DPP10: variants seen among roughly 807,000 people sequenced by gnomAD.
DPP10 encodes dipeptidyl peptidase like 10, also known as inactive dipeptidyl peptidase 10.
In DPP10, 33 loss-of-function variants were observed where a neutral mutation model predicts 120.9. The ratio of observed to expected loss-of-function variants is 0.27; its 90% CI spans 0.21 to 0.37. The LOEUF is 0.37. DPP10 is among the 10% of genes least tolerant of loss of function. The probability of loss-of-function intolerance (pLI) is 1.00; values close to 1 mark genes in which losing one functional copy is unlikely to be tolerated. For missense variants in DPP10, 816 were observed against 942.8 expected, an observed-to-expected ratio of 0.87 and a Z score of 1.76; for synonymous variants, 337 against 326.1, an observed-to-expected ratio of 1.03 and a Z score of -0.36.
At position 115,114,861 on chromosome 2, in the gene DPP10, C is replaced by T. The variant is rs557923072; in HGVS notation, c.61-194378C>T. ...GAGATTGAGAAGTATAGCATTAACA[C>T]GTTGGAATTAATTCCCTGGTTTAAC... On this transcript the variant is annotated intron_variant, in intron 1 of 25. Transcript: ENST00000410059. Among the ~76,000 whole-genome samples the T allele has an allele frequency of 3.9e-5, 6 of 152,066 alleles. No individual in the cohort carries two copies. The South Asian group carries it at 8.3e-4, about 21-fold the overall frequency.
chr2:115,616,526 G>A (rs1234302891), intron 5 of DPP10, among the ~76,000 whole-genome samples: 1 of 150,398 alleles, frequency 6.6e-6, no homozygotes, highest in African/African-American at 2.4e-5. Context: ...TTCCAATTTT[G>A]CCAGCAGTTA....
At chr2:115,536,579 C>T (rs1245644331) in intron 5 of DPP10, among the ~76,000 whole-genome samples, 1 of 151,828 alleles carries the variant, frequency 6.6e-6, no homozygotes, top group African/African-American at 2.4e-5. Context: ...TGCTAAAATG[C>T]CCACTAGAAA....
intron 5 of DPP10, among the ~76,000 whole-genome samples, chr2:115,681,250 T>G (rs1042983359): frequency 1.3e-5 from 2 of 151,884 alleles, no homozygotes; most frequent in Non-Finnish European, 2.9e-5. Context: ...AAAAATAATT[T>G]TAGAGTTTTT....
At chr2:114,815,726 G>A (rs981375361) in intron 1 of DPP10, among the ~76,000 whole-genome samples, 1 of 152,124 alleles carries the variant, frequency 6.6e-6, no homozygotes, top group African/African-American at 2.4e-5. Context: ...TTATCTGAGA[G>A]CAATGGAGTT....
At chr2:115,307,111 A>G (rs2106009687) in intron 1 of DPP10, among the ~76,000 whole-genome samples, 1 of 152,236 alleles carries the variant, frequency 6.6e-6, no homozygotes, top group East Asian at 1.9e-4. Flanking sequence ...CCGTTTTCTT[A>G]TCTGCAAATT....
chr2:114,667,580 A>T (rs562660183), intron 1 of DPP10, among the ~76,000 whole-genome samples: 1 of 152,322 alleles, frequency 6.6e-6, no homozygotes, highest in South Asian at 2.1e-4. Flanking sequence ...AAGAAAATGG[A>T]GTCAGTGAAC....
intron 1 of DPP10, among the ~76,000 whole-genome samples, chr2:114,893,469 T>G (rs1179106612): frequency 6.6e-6 from 1 of 150,744 alleles, no homozygotes. Context: ...TATTGGGGGG[T>G]GGATGGGGGA....
At chr2:114,804,867 T>A (rs1684584510) in intron 1 of DPP10, among the ~76,000 whole-genome samples, 1 of 152,018 alleles carries the variant, frequency 6.6e-6, no homozygotes, top group South Asian at 2.1e-4. Context: ...GCATGATTGG[T>A]TTTGAAATGT....
intron 1 of DPP10, among the ~76,000 whole-genome samples, chr2:114,727,589 T>A (rs1676459498): frequency 6.6e-6 from 1 of 152,156 alleles, no homozygotes; most frequent in Non-Finnish European, 1.5e-5. Flanking sequence ...TCAGGGCATG[T>A]TTTTTAATGT....
At chr2:115,090,808 G>A (rs188507596) in intron 1 of DPP10, among the ~76,000 whole-genome samples, 1 of 152,126 alleles carries the variant, frequency 6.6e-6, no homozygotes, top group Non-Finnish European at 1.5e-5. Flanking sequence ...CTGGTTAGAG[G>A]GCAGGTTATC....
Position 115,201,406 on chromosome 2 carries a change from TG to T in DPP10, c.61-107832del, listed in dbSNP as rs374805473. 8.5e-4 allele frequency among the ~76,000 whole-genome samples: 129 copies of T among 152,220 alleles called. 2 individuals carry two copies. In the South Asian group the frequency reaches 0.026, roughly 31 times the overall value. ...GGAACCCGGGTGGCAGAGGCTGCAG[TG>T]AGTTGAGATCATACCACTGCCCTCA... On this transcript the variant is annotated intron_variant, in intron 1 of 25. Transcript: ENST00000410059.
intron 1 of DPP10, among the ~76,000 whole-genome samples, chr2:114,887,597 T>A (rs1479947010): frequency 6.6e-6 from 1 of 152,200 alleles, no homozygotes; most frequent in African/African-American, 2.4e-5. Context: ...AAAGTGGAAA[T>A]CCTTCATCTG....
At chr2:115,699,881 C>T (rs996115040) in intron 7 of DPP10, among the ~76,000 whole-genome samples, 2 of 152,148 alleles carry the variant, frequency 1.3e-5, no homozygotes, top group Non-Finnish European at 1.5e-5. Flanking sequence ...ATATAAAAAA[C>T]TGATCAATGT....
chr2:114,778,516 T>C (rs1681972036), intron 1 of DPP10, among the ~76,000 whole-genome samples: 2 of 152,104 alleles, frequency 1.3e-5, no homozygotes. Flanking sequence ...GGTGGAAGGT[T>C]GTCTCTTTTT....
At chr2:114,498,819 G>A (rs957586193) in intron 1 of DPP10, among the ~76,000 whole-genome samples, 1 of 152,158 alleles carries the variant, frequency 6.6e-6, no homozygotes, top group Admixed American at 6.6e-5. Flanking sequence ...ATAAGTTTCA[G>A]AGGAGACACT....
At chr2:114,780,748 A>G (rs1271190540) in intron 1 of DPP10, among the ~76,000 whole-genome samples, 7 of 152,078 alleles carry the variant, frequency 4.6e-5, no homozygotes, top group African/African-American at 1.7e-4. Flanking sequence ...TGGTTGATTT[A>G]TTGACATGAG....
intron 1 of DPP10, among the ~76,000 whole-genome samples, chr2:114,896,643 G>T (rs1289704687): frequency 6.6e-6 from 1 of 152,164 alleles, no homozygotes; most frequent in Non-Finnish European, 1.5e-5. Context: ...GGGCTGAGAT[G>T]ATGGGGTTTT....
chr2:115,102,796 C>A (rs1401036873), intron 1 of DPP10, among the ~76,000 whole-genome samples: 1 of 152,006 alleles, frequency 6.6e-6, no homozygotes, highest in African/African-American at 2.4e-5. Context: ...GCAGCCGCAG[C>A]CACCATTTCT....
At chr2:115,390,229 C>T (rs1189689786) in intron 3 of DPP10, among the ~76,000 whole-genome samples, 2 of 152,170 alleles carry the variant, frequency 1.3e-5, no homozygotes, top group Non-Finnish European at 2.9e-5. Context: ...TGTTTATGTG[C>T]CCAGAAATGC....
Sources: gnomAD v4.1 joint callset for allele counts (sites outside exome capture counted in the v4.1 genomes callset) on GRCh38, gnomAD v4.1.1 for gene constraint, MANE v1.5 for transcripts, NCBI Gene and HGNC (gene_info 2026-07-23, HGNC 2026-07-21) for gene names.